Variants in LRCH1 observed in about 807,000 individuals in gnomAD.
LRCH1 encodes leucine rich repeats and calponin homology domain containing 1, also known as leucine-rich repeat and calponin homology domain-containing protein 1.
In LRCH1, 23 loss-of-function variants were observed where a neutral mutation model predicts 94.9. The ratio of observed to expected loss-of-function variants is 0.24; its 90% CI spans 0.17 to 0.34. The LOEUF (loss-of-function observed/expected upper bound fraction) is 0.34. Among genes scored for constraint, LRCH1 ranks in the 10% least tolerant of loss-of-function variants. LRCH1 has a pLI of 1.00. For synonymous variants in LRCH1, 364 were observed against 354.9 expected, an observed-to-expected ratio of 1.03 and a Z score of -0.29; for missense variants, 790 against 945.9, an observed-to-expected ratio of 0.84 and a Z score of 2.16.
intron 1 of LRCH1, among the ~76,000 whole-genome samples, chr13:46,599,387 C>T (rs928299448): frequency 3.9e-5 from 6 of 152,164 alleles, no homozygotes; most frequent in East Asian, 3.9e-4. Context: ...CTGGATCAGA[C>T]GGTAACTTTA....
chr13:46,648,495 G>A (rs192647607), intron 1 of LRCH1, among the ~76,000 whole-genome samples: 4 of 152,238 alleles, frequency 2.6e-5, no homozygotes, highest in African/African-American at 9.6e-5. Flanking sequence ...TTAATATCCA[G>A]GCGAGCTCAT....
intron 1 of LRCH1, among the ~76,000 whole-genome samples, chr13:46,576,025 ACCTCCCTGTGT>A (rs1476505282): frequency 6.6e-6 from 1 of 152,028 alleles, no homozygotes; most frequent in African/African-American, 2.4e-5. Flanking sequence ...CAGTGGATTT[ACCTCCCTGTGT>A]CCTGCCTGGA....
rs1227814678 is a variant in LRCH1, at chr13:46,743,148, A to C, written c.*1300A>C. 1 of 985,370 alleles carries C rather than the reference A, an allele frequency of 1.0e-6. No individual in the cohort carries two copies. Among genetic ancestry groups the C allele is most frequent in the Non-Finnish European group, 1.2e-6 (1 of 829,902 alleles). The allele number at this position is 985,370 out of a possible 1,614,324, so 61.0% of individuals were successfully genotyped here. ...CTTAGCTTGGGGAGATGATGGACTT[A>C]GCTTCCTCAAGATAAATTTCTAGTT... On this transcript the variant is annotated 3_prime_UTR_variant, in exon 20 of 20. Transcript: ENST00000389797.
In LRCH1 at chr13:46,689,264, CCTTT is replaced by C. The variant is rs1199161627; in HGVS notation, c.1014+71_1014+74del. 8.2e-4 allele frequency: 986 copies of C among 1,204,112 alleles called. 3 individuals carry two copies. Among genetic ancestry groups the C allele is most frequent in the Non-Finnish European group, 3.0e-4 (248 of 827,024 alleles). 74.6% of individuals were successfully genotyped at this position (1,204,112 alleles called of 1,614,324 possible). On this transcript the variant is annotated intron_variant, in intron 7 of 19. Transcript: ENST00000389797. ...CATATCTACCAGTGTTCATTGAACT[CCTTT>C]CTGTTAAAGGGCATCGATTCATTTG...
chr13:46,612,453 G>T (rs2050757950), intron 1 of LRCH1, among the ~76,000 whole-genome samples: 1 of 152,136 alleles, frequency 6.6e-6, no homozygotes, highest in African/African-American at 2.4e-5. Context: ...ACATAATGCT[G>T]TGCCACCTTG....
chr13:46,598,065 G>C (rs953512264), intron 1 of LRCH1, among the ~76,000 whole-genome samples: 2 of 152,138 alleles, frequency 1.3e-5, no homozygotes, highest in Non-Finnish European at 2.9e-5. Flanking sequence ...CAGATCACCT[G>C]AGGTAAGGAG....
In LRCH1 at chr13:46,701,203, A is replaced by G. The variant is rs1871451950; in HGVS notation, c.1396A>G (p.Asn466Asp). 6.2e-7 allele frequency: 1 copy of G among 1,609,250 alleles called. No individual in the cohort carries two copies. Among genetic ancestry groups the G allele is most frequent in the African/African-American group, 1.3e-5 (1 of 74,820 alleles). The change falls in exon 11 of 20, where the codon AAT (asparagine) becomes GAT (aspartate). Residue 466 changes from asparagine (N) to aspartate (D), a missense_variant. Coordinates refer to ENST00000389797, the MANE Select transcript of LRCH1 (RefSeq NM_001164211.2). ...REAVDLLQDP[N>D]GLSTDITERS... The stretch of plus-strand genomic sequence containing the variant: ...AGCAGTAGATTTGCTGCAAGATCCC[A>G]ATGGGTGTGTATGTCTCCTTGGTCC...
intron 9 of LRCH1, among the ~76,000 whole-genome samples, chr13:46,697,296 T>G (rs1303962899): frequency 6.6e-6 from 1 of 152,168 alleles, no homozygotes; most frequent in Non-Finnish European, 1.5e-5. Context: ...GCACACAACC[T>G]TGGTGTGTGT....
intron 2 of LRCH1, among the ~76,000 whole-genome samples, chr13:46,650,684 A>G (rs1371162258): frequency 1.3e-5 from 2 of 150,282 alleles, no homozygotes; most frequent in East Asian, 1.9e-4. Flanking sequence ...AGTATAAAGG[A>G]AGTGAAAAAG....
intron 19 of LRCH1, among the ~76,000 whole-genome samples, chr13:46,735,330 A>G (rs1015071086): frequency 3.9e-5 from 6 of 152,190 alleles, no homozygotes; most frequent in Admixed American, 1.3e-4. Context: ...GGCTAGTAAG[A>G]TTTCCCATGT....
chr13:46,592,600 A>C (rs2050512908), intron 1 of LRCH1, among the ~76,000 whole-genome samples: 5 of 152,226 alleles, frequency 3.3e-5, no homozygotes, highest in Admixed American at 2.0e-4. Context: ...CTGTAAAATG[A>C]GATTAAATTG....
rs1266865419 is a variant in LRCH1 at position 46,594,243 on chromosome 13, GAA to G, written c.307+40554_307+40555del. ...CCTGGACTCCTCTTTTAATCTCAGT[GAA>G]AAAAAAAAAAAAAGTACATATTTAA... On this transcript the variant is annotated intron_variant, in intron 1 of 19. Coordinates refer to ENST00000389797, the MANE Select transcript of LRCH1 (RefSeq NM_001164211.2). Among the ~76,000 whole-genome samples, 553 of 119,860 alleles carry G rather than the reference GAA, an allele frequency of 4.6e-3. 3 individuals carry two copies. The highest frequency in any genetic ancestry group is 0.014 in the African/African-American group (476 of 34,108). The allele number at this position is 119,860 out of a possible 152,430, so 78.6% of individuals were successfully genotyped here.
chr13:46,594,601 G>A (rs1003941561), intron 1 of LRCH1, among the ~76,000 whole-genome samples: 30 of 152,144 alleles, frequency 2.0e-4, no homozygotes, highest in African/African-American at 7.2e-4. Context: ...TGGAAGGTTG[G>A]TGGAGAGAGA....
chr13:46,575,559 T>A (rs1397130955), intron 1 of LRCH1, among the ~76,000 whole-genome samples: 1 of 127,228 alleles, frequency 7.9e-6, no homozygotes, highest in Non-Finnish European at 1.7e-5. Context: ...GGGGGGGATG[T>A]GGTCTCATTC....
intron 1 of LRCH1, among the ~76,000 whole-genome samples, chr13:46,579,047 A>C (rs1032561790): frequency 3.3e-5 from 5 of 152,110 alleles, no homozygotes; most frequent in African/African-American, 1.2e-4. Flanking sequence ...GGTGGGAGTG[A>C]AGTAGAGGGG....
exon 19 of LRCH1, chr13:46,750,752 CA>C: frequency 1.4e-6 from 1 of 720,334 alleles, no homozygotes; most frequent in Non-Finnish European, 2.3e-6. Context: ...CACTGCCTGT[CA>C]CTTCACTGAC....
chr13:46,712,447 TG>T lies in LRCH1; in HGVS notation c.1582-77del, dbSNP rs766070875. ...AAGGGAGTAGTTTTGTTACAATCCT[TG>T]AACATAGAAAACCATACATAGTTCT... On this transcript the variant is annotated intron_variant, in intron 14 of 19. Coordinates refer to ENST00000389797, the MANE Select transcript of LRCH1 (RefSeq NM_001164211.2). 380 of 1,153,994 alleles carry T rather than the reference TG, an allele frequency of 3.3e-4. 2 individuals carry two copies. The highest frequency in any genetic ancestry group is 1.0e-4 in the Non-Finnish European group (80 of 779,104). 71.5% of individuals were successfully genotyped at this position (1,153,994 alleles called of 1,614,324 possible).
intron 1 of LRCH1, among the ~76,000 whole-genome samples, chr13:46,578,261 G>A (rs747275800): frequency 1.3e-5 from 2 of 152,232 alleles, no homozygotes; most frequent in Non-Finnish European, 2.9e-5. Flanking sequence ...CGCCTGCATA[G>A]TGAAAGTCTC....
chr13:46,728,215 C>T (rs1468900429), intron 17 of LRCH1, among the ~76,000 whole-genome samples: 1 of 151,828 alleles, frequency 6.6e-6, no homozygotes. Flanking sequence ...CCACTCCTGG[C>T]CTAAGAGGAA....
Sources: gnomAD v4.1 joint callset for allele counts (sites outside exome capture counted in the v4.1 genomes callset) on GRCh38, gnomAD v4.1.1 for gene constraint, MANE v1.5 for transcripts, NCBI Gene and HGNC (gene_info 2026-07-23, HGNC 2026-07-21) for gene names.